TATDN3: variants seen among roughly 807,000 people sequenced by gnomAD.
TATDN3 encodes TatD DNase domain containing 3.
A neutral mutation model predicts 40.1 loss-of-function variants in TATDN3; 29 were observed. That is an observed-to-expected ratio of 0.72 (90% CI 0.54 to 0.99). The LOEUF (loss-of-function observed/expected upper bound fraction) is 0.99. Ranked by LOEUF, TATDN3 falls within the 50% of genes least tolerant of loss-of-function variation. The pLI, the probability that TATDN3 is intolerant of heterozygous loss-of-function variation, is 0.00. For missense variants in TATDN3, 309 were observed against 321.9 expected, an observed-to-expected ratio of 0.96 and a Z score of 0.31; for synonymous variants, 105 against 117.0, an observed-to-expected ratio of 0.90 and a Z score of 0.66.
chr1:212,809,342 T>C (rs139395413), intron 8 of TATDN3, among the ~76,000 whole-genome samples: 1 of 152,334 alleles, frequency 6.6e-6, no homozygotes, highest in African/African-American at 2.4e-5. Flanking sequence ...CACTGGATTG[T>C]GTACTTTTAA....
intron 7 of TATDN3, among the ~76,000 whole-genome samples, chr1:212,806,771 TATATATATATATAC>T (rs1208165551): frequency 3.0e-5 from 3 of 101,446 alleles, no homozygotes; most frequent in East Asian, 3.5e-4. Context: ...TATATATATA[TATATATATATATAC>T]ACACACACAC....
At chr1:212,809,051 G>C (rs191797780) in intron 8 of TATDN3, among the ~76,000 whole-genome samples, 2 of 152,300 alleles carry the variant, frequency 1.3e-5, no homozygotes, top group Non-Finnish European at 2.9e-5. Flanking sequence ...GAAAAGAAAT[G>C]AAGTACTGAG....
In TATDN3 at chr1:212,815,051, A is replaced by T; in HGVS notation, c.720A>T (p.Glu240Asp). ...CCTGGAACATTTCTATTTCAGCAGA[A>T]TATATTGCCCAGGTGAAAGGGATCT... ...NEPWNISISA[E>D]YIAQVKGISV... Residue 240 changes from glutamate (E) to aspartate (D), a missense_variant, in exon 10 of 10, where the codon GAA becomes GAT. Transcript: ENST00000366974. The T allele has an allele frequency of 6.2e-7, 1 of 1,614,076 alleles. No individual in the cohort carries two copies. Among genetic ancestry groups the T allele is most frequent in the Admixed American group, 1.7e-5 (1 of 59,984 alleles).
At chr1:212,801,545 G>C (rs1332461960) in intron 4 of TATDN3, among the ~76,000 whole-genome samples, 1 of 152,036 alleles carries the variant, frequency 6.6e-6, no homozygotes, top group Non-Finnish European at 1.5e-5. Context: ...TTCTTCATCT[G>C]ATCTTCCTCC....
chr1:212,796,738 C>A, intron 3 of TATDN3, 148 bp downstream of exon 3: 2 of 560,118 alleles, frequency 3.6e-6, no homozygotes, highest in Non-Finnish European at 5.8e-6. Flanking sequence ...TCTACTTATT[C>A]CTTTTTTTTT....
At chr1:212,805,623 C>T (rs1183172600) in intron 7 of TATDN3, among the ~76,000 whole-genome samples, 1 of 152,132 alleles carries the variant, frequency 6.6e-6, no homozygotes, top group African/African-American at 2.4e-5. Context: ...AAAAGAAGGG[C>T]AATCACAGCA....
intron 9 of TATDN3, among the ~76,000 whole-genome samples, chr1:212,812,922 G>A (rs913417059): frequency 1.3e-5 from 2 of 152,026 alleles, no homozygotes; most frequent in South Asian, 2.1e-4. Context: ...CAGGAGAATC[G>A]CTTGAACCCG....
At chr1:212,807,640 A>G (rs1662621302) in intron 7 of TATDN3, 96 bp from the exon 8 acceptor site, 8 of 846,616 alleles carry the variant, frequency 9.4e-6, no homozygotes, top group Non-Finnish European at 1.5e-5. Flanking sequence ...TTTATATCCT[A>G]GTGACCAACA....
chr1:212,804,365 A>G lies in TATDN3; in HGVS notation c.367A>G (p.Lys123Glu), dbSNP rs769604423. The G allele has an allele frequency of 7.4e-6, 12 of 1,614,082 alleles. No individual in the cohort carries two copies. The highest frequency in any genetic ancestry group is 2.2e-5 in the East Asian group (1 of 44,862). Residue 123 changes from lysine (K) to glutamate (E), a missense_variant, in exon 6 of 10, where the codon AAG (lysine) becomes GAG (glutamate). Transcript: ENST00000366974. ...CAGATTTGCTGGCACTGGTGAACAG[A>G]AGGAAGAGCAAAGACAAGTCCTAAT... Reference protein sequence around the residue: ...SPRFAGTGEQKEEQRQVLIRQ... With the variant: ...SPRFAGTGEQEEEQRQVLIRQ...
At chr1:212,811,100 A>G (rs2102480902) in intron 8 of TATDN3, among the ~76,000 whole-genome samples, 1 of 152,020 alleles carries the variant, frequency 6.6e-6, no homozygotes, top group Middle Eastern at 3.4e-3. Flanking sequence ...CTCCTGCCTC[A>G]GCCTTCCGAG....
rs1053859768 is a variant in TATDN3 at position 212,816,406 on chromosome 1, A to G, written c.*1250A>G. On this transcript the variant is annotated 3_prime_UTR_variant, in exon 10 of 10. Coordinates refer to ENST00000366974, the MANE Select transcript of TATDN3 (RefSeq NM_001042552.3). ...AGATGGTAGTGATGGTAGCACATCA[A>G]TGTGAAGGTATTTAATGCCACTGAA... 7.9e-5 allele frequency: 12 copies of G among 152,254 alleles called. No individual in the cohort carries two copies. The highest frequency in any genetic ancestry group is 1.9e-4 in the African/African-American group (8 of 41,472). 9.4% of individuals were successfully genotyped at this position (152,254 alleles called of 1,614,324 possible).
chr1:212,811,751 G>A (rs1409176441), intron 8 of TATDN3, among the ~76,000 whole-genome samples: 1 of 151,556 alleles, frequency 6.6e-6, no homozygotes, highest in Non-Finnish European at 1.5e-5. Flanking sequence ...TGCCCAGTCT[G>A]GAGTACAGTG....
chr1:212,806,835 T>TACATATATACATATGTATATAC (rs1662546118), intron 7 of TATDN3, among the ~76,000 whole-genome samples: 1 of 35,590 alleles, frequency 2.8e-5, no homozygotes, highest in Non-Finnish European at 6.3e-5. Context: ...TACATATATA[T>TACATATATACATATGTATATAC]ACATATATAC....
intron 7 of TATDN3, among the ~76,000 whole-genome samples, chr1:212,806,809 CATAT>C (rs1160050575): frequency 2.7e-5 from 2 of 72,794 alleles, no homozygotes; most frequent in Admixed American, 1.4e-4. Context: ...CATATATACA[CATAT>C]ATACACATAT....
chr1:212,801,136 G>A (rs531343209), intron 4 of TATDN3, among the ~76,000 whole-genome samples: 11 of 151,802 alleles, frequency 7.2e-5, no homozygotes, highest in African/African-American at 2.7e-4. Flanking sequence ...GCTGCAGTGA[G>A]CTATGATCGC....
At chr1:212,813,643 G>A (rs1218367569) in intron 9 of TATDN3, among the ~76,000 whole-genome samples, 3 of 146,000 alleles carry the variant, frequency 2.1e-5, no homozygotes, top group South Asian at 2.2e-4. Context: ...CAGCAACCTC[G>A]ACTTTCTGGG....
chr1:212,812,212 A>G lies in TATDN3; in HGVS notation c.601-36A>G, dbSNP rs1373131994. 4.5e-6 allele frequency: 6 copies of G among 1,343,300 alleles called. No individual in the cohort carries two copies. The African/African-American group carries it at 4.5e-5, about 10-fold the overall frequency. The allele number at this position is 1,343,300 out of a possible 1,614,324, so 83.2% of individuals were successfully genotyped here. A position where few individuals can be genotyped will look rare whatever the true frequency, so the allele number is the denominator to read the frequency against. ...TTAATGCTCTTTATCTTTATTTCTCATGTTTTAAACTTAGCTGCTTTCTCT... is the reference window on the plus strand; with the variant it reads ...TTAATGCTCTTTATCTTTATTTCTCGTGTTTTAAACTTAGCTGCTTTCTCT... On this transcript the variant is annotated intron_variant, in intron 8 of 9. Coordinates refer to ENST00000366974, the MANE Select transcript of TATDN3 (RefSeq NM_001042552.3).
intron 9 of TATDN3, among the ~76,000 whole-genome samples, chr1:212,813,308 A>T (rs1571978018): frequency 6.6e-6 from 1 of 152,154 alleles, no homozygotes; most frequent in Admixed American, 6.5e-5. Context: ...AGTAAGCCAC[A>T]GTATATGCTT....
At position 212,802,768 on chromosome 1, in the gene TATDN3, A is replaced by T. The variant is rs1463596257; in HGVS notation, c.321+5A>T. 3 of 1,591,602 alleles carry T rather than the reference A, an allele frequency of 1.9e-6. No individual in the cohort carries two copies. The highest frequency in any genetic ancestry group is 2.6e-6 in the Non-Finnish European group (3 of 1,159,738). ...CGGTTGTTGGCAATTGGAGAGGTAA[A>T]CACCCACTAACTGATCAAACAGCTT... On this transcript the variant is annotated splice_donor_5th_base_variant and intron_variant, in intron 5 of 9. Transcript: ENST00000366974.
Sources: allele counts gnomAD v4.1 joint callset (sites outside exome capture counted in the v4.1 genomes callset), GRCh38; gene constraint gnomAD v4.1.1; transcripts MANE v1.5; gene names NCBI Gene and HGNC (gene_info 2026-07-23, HGNC 2026-07-21).